PHKB: variants seen among roughly 807,000 people sequenced by gnomAD.
PHKB encodes phosphorylase kinase regulatory subunit beta, also known as phosphorylase b kinase regulatory subunit beta.
Under a neutral mutation model 152.1 loss-of-function variants are expected in PHKB, and 122 were observed. The ratio of observed to expected loss-of-function variants is 0.80; its 90% CI spans 0.69 to 0.93. PHKB has a LOEUF of 0.93. Among genes scored for constraint, PHKB ranks in the 40% least tolerant of loss-of-function variants. The pLI is 0.00. For synonymous variants in PHKB, 436 were observed against 464.9 expected (o/e 0.94, Z 0.80); for missense variants, 1,304 against 1,328.4 (o/e 0.98, Z 0.29).
At chr16:47,576,898 T>C (rs1231617720) in intron 7 of PHKB, among the ~76,000 whole-genome samples, 3 of 152,172 alleles carry the variant, frequency 2.0e-5, no homozygotes, top group Non-Finnish European at 4.4e-5. Context: ...ATTTTAACTC[T>C]GCAAATCTCT....
At chr16:47,627,421 T>A (rs984888201) in intron 14 of PHKB, among the ~76,000 whole-genome samples, 2 of 152,178 alleles carry the variant, frequency 1.3e-5, no homozygotes, top group African/African-American at 4.8e-5. Context: ...GGTGAAACAG[T>A]TTTACAAATT....
At chr16:47,481,094 C>G (rs1376589279) in intron 1 of PHKB, among the ~76,000 whole-genome samples, 1 of 152,044 alleles carries the variant, frequency 6.6e-6, no homozygotes, top group Non-Finnish European at 1.5e-5. Context: ...TCCCAAGGGT[C>G]GTGAGTTTGC....
chr16:47,587,455 A>G (rs1971953835), intron 8 of PHKB, among the ~76,000 whole-genome samples: 2 of 152,218 alleles, frequency 1.3e-5, no homozygotes, highest in Admixed American at 1.3e-4. Context: ...ACTAGGGAAA[A>G]CAAAAATAAC....
intron 2 of PHKB, among the ~76,000 whole-genome samples, 170 bp from the exon 3 acceptor site, chr16:47,499,586 G>A (rs1857414809): frequency 6.6e-6 from 1 of 152,214 alleles, no homozygotes; most frequent in Non-Finnish European, 1.5e-5. Flanking sequence ...TTCCCACTAA[G>A]GCTGGAGTGA....
chr16:47,689,146 G>A lies in PHKB; in HGVS notation c.2736G>A (p.Leu912=). The change falls in exon 27 of 31, where the codon CTG becomes CTA. Residue 912 remains leucine, a synonymous_variant. Transcript: ENST00000323584. ...CTAGTGAAGTTAAACAGCTTCTGCT[G>A]GATATTCTGCAGCCTCAACAGAATG... The part of the protein sequence containing the change: ...LSPSEVKQLL[L]DILQPQQNGR... 1.2e-6 allele frequency: 2 copies of A among 1,613,932 alleles called. No individual in the cohort carries two copies. The highest frequency in any genetic ancestry group is 8.5e-7 in the Non-Finnish European group (1 of 1,179,958).
chr16:47,574,681 C>CT (rs1439332911), intron 7 of PHKB, among the ~76,000 whole-genome samples: 2 of 152,114 alleles, frequency 1.3e-5, no homozygotes, highest in Non-Finnish European at 2.9e-5. Context: ...GTGCCAGGTT[C>CT]TTTTCAACAA....
chr16:47,534,266 A>G (rs1970913919), intron 6 of PHKB, among the ~76,000 whole-genome samples: 1 of 152,230 alleles, frequency 6.6e-6, no homozygotes, highest in Non-Finnish European at 1.5e-5. Context: ...CAGATTTGCC[A>G]TGGTAATGAG....
intron 8 of PHKB, among the ~76,000 whole-genome samples, chr16:47,582,789 T>G (rs1403333666): frequency 6.6e-6 from 1 of 151,752 alleles, no homozygotes; most frequent in African/African-American, 2.4e-5. Flanking sequence ...AGATAATGTC[T>G]TCTTTCTTTC....
At chr16:47,524,928 A>T (rs954674849) in intron 6 of PHKB, among the ~76,000 whole-genome samples, 1 of 152,166 alleles carries the variant, frequency 6.6e-6, no homozygotes, top group Non-Finnish European at 1.5e-5. Context: ...ACGATTTTTA[A>T]AAATCTTTTA....
intron 7 of PHKB, among the ~76,000 whole-genome samples, chr16:47,549,615 A>T (rs568775295): frequency 5.6e-4 from 86 of 152,232 alleles, no homozygotes; most frequent in East Asian, 5.8e-4. Flanking sequence ...GACTCTCTTG[A>T]ACCTGGGAGG....
At chr16:47,488,950 T>TA (rs925093800) in intron 1 of PHKB, among the ~76,000 whole-genome samples, 4 of 152,218 alleles carry the variant, frequency 2.6e-5, no homozygotes, top group African/African-American at 7.2e-5. Context: ...CCATATGAAT[T>TA]AAAAAAATTT....
intron 27 of PHKB, 68 bp from the exon 28 acceptor site, chr16:47,693,310 T>C: frequency 1.3e-6 from 2 of 1,537,450 alleles, no homozygotes; most frequent in South Asian, 1.1e-5. Context: ...TTAGTTCATA[T>C]TGAAAGCCCT....
intron 1 of PHKB, chr16:47,462,936 C>T (rs2151624326): frequency 6.6e-6 from 1 of 152,484 alleles, no homozygotes; most frequent in South Asian, 2.1e-4. Flanking sequence ...AATAAAGTGA[C>T]TTGGAATAGT....
rs536939069 is a variant in PHKB, at chr16:47,465,615, A to G, written c.76+4189A>G. The stretch of plus-strand genomic sequence containing the variant: ...GGAGTTCATCTAACCAAAACTTAGT[A>G]AAACTATAAAGACACACTTAAAATT... On this transcript the variant is annotated intron_variant, in intron 1 of 30. Transcript: ENST00000323584. Among the ~76,000 whole-genome samples, 39 of 152,362 alleles carry G rather than the reference A, an allele frequency of 2.6e-4. No individual in the cohort carries two copies. In the South Asian group the frequency reaches 6.8e-3, roughly 27 times the overall value.
intron 27 of PHKB, among the ~76,000 whole-genome samples, chr16:47,691,432 C>T (rs1329730921): frequency 1.3e-5 from 2 of 152,122 alleles, no homozygotes; most frequent in African/African-American, 2.4e-5. Context: ...AGGCCAGGCA[C>T]GATGGCTCAC....
At chr16:47,678,952 G>T (rs903613510) in intron 26 of PHKB, among the ~76,000 whole-genome samples, 1 of 152,154 alleles carries the variant, frequency 6.6e-6, no homozygotes, top group African/African-American at 2.4e-5. Context: ...TTTGTATAAG[G>T]TGTAAGGAAG....
chr16:47,526,348 TG>T (rs1371049632), intron 6 of PHKB, among the ~76,000 whole-genome samples: 1 of 152,008 alleles, frequency 6.6e-6, no homozygotes, highest in Non-Finnish European at 1.5e-5. Flanking sequence ...AGGCAGAGTT[TG>T]CAGTGAGCCG....
chr16:47,481,114 C>CAA, intron 1 of PHKB, among the ~76,000 whole-genome samples: 1 of 151,992 alleles, frequency 6.6e-6, no homozygotes, highest in Admixed American at 6.6e-5. Context: ...CTTTGTCTCC[C>CAA]ACAGAGACAG....
At chr16:47,471,998 T>C (rs150279144) in intron 1 of PHKB, among the ~76,000 whole-genome samples, 8 of 152,156 alleles carry the variant, frequency 5.3e-5, no homozygotes, top group Admixed American at 1.3e-4. Flanking sequence ...GGGTCTTGCA[T>C]TGAGCTGAGA....
Sources: allele counts gnomAD v4.1 joint callset (sites outside exome capture counted in the v4.1 genomes callset), GRCh38; gene constraint gnomAD v4.1.1; transcripts MANE v1.5; gene names NCBI Gene and HGNC (gene_info 2026-07-23, HGNC 2026-07-21).